The following DYNC1H1 variants were observed in gnomAD, a reference collection of about 807,000 sequenced individuals.
The protein encoded by DYNC1H1 is dynein cytoplasmic 1 heavy chain 1.
A neutral mutation model predicts 527.1 loss-of-function variants in DYNC1H1; 51 were observed. That is an observed-to-expected ratio of 0.10 (90% CI 0.08 to 0.12). The LOEUF (loss-of-function observed/expected upper bound fraction) is 0.12. Among genes scored for constraint, DYNC1H1 ranks in the 10% least tolerant of loss-of-function variants. DYNC1H1 has a pLI of 1.00. For missense variants in DYNC1H1, 2,771 were observed against 5,971.8 expected, an observed-to-expected ratio of 0.46 and a Z score of 17.66; for synonymous variants, 2,189 against 2,278.8, an observed-to-expected ratio of 0.96 and a Z score of 1.12.
Position 101,964,888 on chromosome 14 carries a change from G to A in DYNC1H1, c.197G>A (p.Arg66His). 6.3e-7 allele frequency: 1 copy of A among 1,599,988 alleles called. No homozygotes were observed. The highest frequency in any genetic ancestry group is 8.5e-7 in the Non-Finnish European group (1 of 1,174,398). ...GAGAAGAGCGCCCTGGAGCAGATGC[G>A]CAAGTTCCTTTCGGACCCGCAGGTC... ...LEEKSALEQMRKFLSDPQVHT... is the reference protein window; with the variant it reads ...LEEKSALEQMHKFLSDPQVHT... The change falls in exon 1 of 78, where the codon CGC (arginine) becomes CAC (histidine). Residue 66 changes from arginine to histidine, a missense_variant. Coordinates refer to ENST00000360184, the MANE Select transcript of DYNC1H1 (RefSeq NM_001376.5). This position sits in a 1 kb window ranked among gnomAD's most constrained non-coding sequence, Gnocchi z 5.5.
In DYNC1H1 at chr14:101,986,476, C is replaced by T; in HGVS notation, c.2251C>T (p.Arg751Trp). The T allele has an allele frequency of 1.2e-6, 2 of 1,614,074 alleles. No individual in the cohort carries two copies. The highest frequency in any genetic ancestry group is 1.1e-5 in the South Asian group (1 of 91,066). Residue 751 changes from arginine (R) to tryptophan (W), a missense_variant, in exon 8 of 78, where the codon CGG becomes TGG. By Grantham distance (101) the Arg-to-Trp change is moderately radical (BLOSUM62 -3). Coordinates refer to ENST00000360184, the MANE Select transcript of DYNC1H1 (RefSeq NM_001376.5). This position sits in a 1 kb window ranked among gnomAD's most constrained non-coding sequence, Gnocchi z 8.7. ...PEIITLSKEV[R>W]NLKWLGFRVP... ...GATTATCACACTATCCAAAGAAGTC[C>T]GGAACCTCAAATGGCTTGGTTTCCG...
In DYNC1H1 at chr14:102,039,290, C is replaced by T. The variant is rs201467075; in HGVS notation, c.11460+36C>T. The T allele has an allele frequency of 1.4e-5, 23 of 1,611,296 alleles. No homozygotes were observed. The highest frequency in any genetic ancestry group is 2.0e-4 in the Middle Eastern group (1 of 5,110). On this transcript the variant is annotated intron_variant, in intron 60 of 77. Transcript: ENST00000360184. This position sits in a 1 kb window ranked among gnomAD's most constrained non-coding sequence, Gnocchi z 7.0. ...TGGCCATGCAGAGACTGGCGGGCCC[C>T]GCACAGTAGCTCCTTGGCCGCACAG... is the stretch of plus-strand genomic sequence containing the variant.
In DYNC1H1 at chr14:102,012,093, C is replaced by A; in HGVS notation, c.6837C>A (p.Leu2279=). The A allele has an allele frequency of 6.2e-7, 1 of 1,614,196 alleles. No individual in the cohort carries two copies. Among genetic ancestry groups the A allele is most frequent in the Non-Finnish European group, 8.5e-7 (1 of 1,180,032 alleles). ...ACACCAGGGAATGGACAGATGGGCT[C>A]TTCACACACGTGCTGAGAAAGTACG... ...DPNTREWTDG[L]FTHVLRKIID... is the part of the protein sequence containing the mutation. The change falls in exon 33 of 78, where the codon CTC becomes CTA. Residue 2279 remains leucine (L), a synonymous_variant. Transcript: ENST00000360184. The surrounding 1 kb of genome is among the most constrained non-coding windows in gnomAD (Gnocchi z 4.9).
At position 102,027,424 on chromosome 14, in the gene DYNC1H1, A is replaced by G. The variant is rs8010870; in HGVS notation, c.8928A>G (p.Leu2976=). The G allele has an allele frequency of 0.12, 192,472 of 1,613,952 alleles. 12,787 individuals are homozygous for G. Among genetic ancestry groups the G allele is most frequent in the East Asian group, 0.24 (10,590 of 44,868 alleles). ...KYTGEDFDED[L]RTVLRRSGCK... ...CAGGGGAAGACTTTGATGAAGATCT[A>G]CGGACAGTGTTGAGACGTTCTGGCT... Residue 2976 remains leucine (L), a synonymous_variant, in exon 46 of 78, where the codon CTA becomes CTG. Transcript: ENST00000360184. This position sits in a 1 kb window ranked among gnomAD's most constrained non-coding sequence, Gnocchi z 7.7.
chr14:102,047,870 G>C lies in DYNC1H1; in HGVS notation c.13060G>C (p.Asp4354His). The stretch of plus-strand genomic sequence containing the variant: ...GATGCAGATGTTGGAGGATGAGGAC[G>C]ACCTGGCCTACGCAGAGACTGAGAA... ...LKMQMLEDED[D>H]LAYAETEKKT... The change falls in exon 73 of 78, where the codon GAC (aspartate) becomes CAC (histidine). Residue 4354 changes from aspartate (D) to histidine (H), a missense_variant. Transcript: ENST00000360184. 1.2e-6 allele frequency: 2 copies of C among 1,613,568 alleles called. No individual in the cohort carries two copies. The highest frequency in any genetic ancestry group is 1.7e-6 in the Non-Finnish European group (2 of 1,179,992).
chr14:102,008,535 C>T (rs768895350), intron 29 of DYNC1H1, among the ~76,000 whole-genome samples, 198 bp downstream of exon 29: 4 of 152,158 alleles, frequency 2.6e-5, no homozygotes, highest in Non-Finnish European at 5.9e-5. Context: ...CGTGTGTAAT[C>T]CCAGCACTTT....
rs775758610 is a variant in DYNC1H1, at chr14:102,002,507, G to GT, written c.4543-27dup. On this transcript the variant is annotated intron_variant, in intron 21 of 77. Transcript: ENST00000360184. The surrounding 1 kb of genome is among the most constrained non-coding windows in gnomAD (Gnocchi z 4.4). ...ATATCTGTGAGTAGAAGGGTCAGCA[G>GT]TTTACCTCTCCCTCCTGTCTGCCCA... 1 of 1,613,574 alleles carries GT rather than the reference G, an allele frequency of 6.2e-7. No individual in the cohort carries two copies. The highest frequency in any genetic ancestry group is 8.5e-7 in the Non-Finnish European group (1 of 1,179,774).
chr14:101,968,341 G>C (rs1340555795), intron 1 of DYNC1H1, among the ~76,000 whole-genome samples: 1 of 152,092 alleles, frequency 6.6e-6, no homozygotes, highest in Admixed American at 6.6e-5. Flanking sequence ...ACCCAGGCAG[G>C]AGTGCAGTGG....
At chr14:102,025,336 C>T (rs2048435844) in intron 43 of DYNC1H1, among the ~76,000 whole-genome samples, 1 of 151,350 alleles carries the variant, frequency 6.6e-6, no homozygotes, top group Non-Finnish European at 1.5e-5. Context: ...ACCTGGGAGG[C>T]AGAGGTTGCA....
intron 15 of DYNC1H1, among the ~76,000 whole-genome samples, chr14:101,995,767 A>G (rs1431279385): frequency 6.6e-6 from 1 of 151,892 alleles, no homozygotes; most frequent in Non-Finnish European, 1.5e-5. Context: ...GTGCTTGTTA[A>G]AACTTAGTGT....
At position 102,044,937 on chromosome 14, in the gene DYNC1H1, G is replaced by A; in HGVS notation, c.13006+239G>A. ...GGCTCTTCTCTGCAGCATCAACTCA[G>A]TTCTAGAGAAAAGGCTTGATATTTA... On this transcript the variant is annotated intron_variant, in intron 72 of 77. Coordinates refer to ENST00000360184, the MANE Select transcript of DYNC1H1 (RefSeq NM_001376.5). The surrounding 1 kb of genome is among the most constrained non-coding windows in gnomAD (Gnocchi z 7.1). 1 of 578,526 alleles carries A rather than the reference G, an allele frequency of 1.7e-6. No homozygotes were observed. The highest frequency in any genetic ancestry group is 3.1e-6 in the Non-Finnish European group (1 of 323,260). The allele number at this position is 578,526 out of a possible 1,614,324, so 35.8% of individuals were successfully genotyped here.
intron 34 of DYNC1H1, among the ~76,000 whole-genome samples, chr14:102,013,268 A>AC (rs1476775493): frequency 6.6e-6 from 1 of 151,622 alleles, no homozygotes; most frequent in Non-Finnish European, 1.5e-5. Flanking sequence ...AAAAAAAAAA[A>AC]AAAAGGCAGG....
intron 72 of DYNC1H1, 176 bp from the exon 73 acceptor site, chr14:102,047,641 G>GTGTGTGTGTATATATATATATATA: frequency 2.3e-4 from 74 of 316,728 alleles, no homozygotes; most frequent in Middle Eastern, 9.8e-4. Flanking sequence ...GTGTGTGTGT[G>GTGTGTGTGTATATATATATATATA]TATATATATA....
rs566513432 is a variant in DYNC1H1, at chr14:102,010,682, G to A, written c.6406-58G>A. On this transcript the variant is annotated intron_variant, in intron 31 of 77. Transcript: ENST00000360184. This position sits in a 1 kb window ranked among gnomAD's most constrained non-coding sequence, Gnocchi z 6.0. The stretch of plus-strand genomic sequence containing the variant: ...TACTGATCACGCACCTCCTGGGGAT[G>A]CAGCGGGCAGTACTTGAGCCATGCT... 24 of 1,603,254 alleles carry A rather than the reference G, an allele frequency of 1.5e-5. No homozygotes were observed. In the South Asian group the frequency reaches 2.2e-4, roughly 15 times the overall value.
chr14:101,965,067 C>G lies in DYNC1H1; in HGVS notation c.256+120C>G, dbSNP rs971143896. On this transcript the variant is annotated intron_variant, in intron 1 of 77. Coordinates refer to ENST00000360184, the MANE Select transcript of DYNC1H1 (RefSeq NM_001376.5). The surrounding 1 kb of genome is among the most constrained non-coding windows in gnomAD (Gnocchi z 4.1). ...GAGGAGCCCGGCAGCTGCAGATGACCCCTGGATGGGCAGAGCCCGGCGGCC... is the reference window on the plus strand; with the variant it reads ...GAGGAGCCCGGCAGCTGCAGATGACGCCTGGATGGGCAGAGCCCGGCGGCC... 1 of 1,119,854 alleles carries G rather than the reference C, an allele frequency of 8.9e-7. No homozygotes were observed. 69.4% of individuals were successfully genotyped at this position (1,119,854 alleles called of 1,614,324 possible).
intron 1 of DYNC1H1, among the ~76,000 whole-genome samples, chr14:101,968,129 G>A (rs1056307070): frequency 1.3e-5 from 2 of 152,134 alleles, no homozygotes; most frequent in Non-Finnish European, 2.9e-5. Context: ...TCCGTTCGGT[G>A]GGGTATGCTT....
Position 102,027,708 on chromosome 14 carries a change from G to C in DYNC1H1, c.9138G>C (p.Ser3046=). ...GAQKEGLMLD[S]HEELYKWFTS... is the part of the protein sequence containing the mutation. ...AGAAGGAAGGCCTGATGCTGGACTC[G>C]CACGAGGAGCTCTACAAGTGGTTCA... Residue 3046 remains serine (S), a synonymous_variant, in exon 47 of 78, where the codon TCG becomes TCC. Coordinates refer to ENST00000360184, the MANE Select transcript of DYNC1H1 (RefSeq NM_001376.5). This position sits in a 1 kb window ranked among gnomAD's most constrained non-coding sequence, Gnocchi z 7.7. 1 of 1,614,140 alleles carries C rather than the reference G, an allele frequency of 6.2e-7. No homozygotes were observed. Among genetic ancestry groups the C allele is most frequent in the African/African-American group, 1.3e-5 (1 of 75,030 alleles).
rs17512642 is a variant in DYNC1H1, at chr14:102,029,409, C to T, written c.9469-130C>T. ...TAAGTGGCTAAGCTGAGGCCCGACTCGAGTGTTCTGGCCCCGAGGGCCAGG... is the reference window on the plus strand; with the variant it reads ...TAAGTGGCTAAGCTGAGGCCCGACTTGAGTGTTCTGGCCCCGAGGGCCAGG... On this transcript the variant is annotated intron_variant, in intron 48 of 77. Coordinates refer to ENST00000360184, the MANE Select transcript of DYNC1H1 (RefSeq NM_001376.5). The surrounding 1 kb of genome is among the most constrained non-coding windows in gnomAD (Gnocchi z 5.3). The T allele has an allele frequency of 8.0e-4, 985 of 1,224,390 alleles. 13 individuals carry two copies. In the African/African-American group the frequency reaches 0.013, roughly 16 times the overall value. The allele number at this position is 1,224,390 out of a possible 1,614,324, so 75.8% of individuals were successfully genotyped here. A position where few individuals can be genotyped will look rare whatever the true frequency, so the allele number is the denominator to read the frequency against.
rs972204120 is a variant in DYNC1H1 at position 102,044,797 on chromosome 14, C to T, written c.13006+99C>T. On this transcript the variant is annotated intron_variant, in intron 72 of 77. Transcript: ENST00000360184. The surrounding 1 kb of genome is among the most constrained non-coding windows in gnomAD (Gnocchi z 7.1). ...TCCCCACACGCAGGGTGAGTGTGCA[C>T]TGCTGTCCCAGGGCCCTCCCTGGTT... The T allele has an allele frequency of 1.4e-6, 2 of 1,398,682 alleles. No homozygotes were observed. Among genetic ancestry groups the T allele is most frequent in the African/African-American group, 2.8e-5 (2 of 70,656 alleles). 86.6% of individuals were successfully genotyped at this position (1,398,682 alleles called of 1,614,324 possible).
Sources: allele counts gnomAD v4.1 joint callset (sites outside exome capture counted in the v4.1 genomes callset), GRCh38; gene constraint gnomAD v4.1.1; non-coding constraint Gnocchi (gnomAD v3.1); transcripts MANE v1.5; gene names NCBI Gene and HGNC (gene_info 2026-07-23, HGNC 2026-07-21).